The following CXADR variants were observed in gnomAD, a reference collection of about 807,000 sequenced individuals.
CXADR encodes CXADR cell adhesion molecule.
CXADR carries 20 observed loss-of-function variants against 40.3 expected under a neutral mutation model. The observed-to-expected ratio is 0.50, with a 90% CI of 0.35 to 0.72. The LOEUF (loss-of-function observed/expected upper bound fraction) is 0.72. Among genes scored for constraint, CXADR ranks in the 30% least tolerant of loss-of-function variants. The pLI, the probability that CXADR is intolerant of heterozygous loss-of-function variation, is 0.01. For missense variants in CXADR, 332 were observed against 449.1 expected (o/e 0.74, Z 2.36); for synonymous variants, 150 against 161.3 (o/e 0.93, Z 0.53).
chr21:17,563,238 G>A (rs2061148328), intron 6 of CXADR, among the ~76,000 whole-genome samples: 1 of 152,108 alleles, frequency 6.6e-6, no homozygotes, highest in South Asian at 2.1e-4. Context: ...AGTGAGCTAG[G>A]ATCGCACCAC....
intron 1 of CXADR, among the ~76,000 whole-genome samples, chr21:17,519,225 G>A (rs2060498693): frequency 6.6e-6 from 1 of 152,132 alleles, no homozygotes; most frequent in Non-Finnish European, 1.5e-5. Flanking sequence ...CAGAGGACAG[G>A]GCCATTACCT....
At position 17,566,711 on chromosome 21, in the gene CXADR, A is replaced by G. The variant is rs2061213395; in HGVS notation, c.*1019A>G. 6.2e-6 allele frequency: 6 copies of G among 973,962 alleles called. No individual in the cohort carries two copies. Among genetic ancestry groups the G allele is most frequent in the Non-Finnish European group, 6.1e-6 (5 of 819,618 alleles). The allele number at this position is 973,962 out of a possible 1,614,324, so 60.3% of individuals were successfully genotyped here. On this transcript the variant is annotated 3_prime_UTR_variant, in exon 7 of 7. Coordinates refer to ENST00000284878, the MANE Select transcript of CXADR (RefSeq NM_001338.5). ...GTTACATATTATATGTTCTAGAAACATGTAATCCTAAATTTACCCTCTTGA... is the reference window on the plus strand; with the variant it reads ...GTTACATATTATATGTTCTAGAAACGTGTAATCCTAAATTTACCCTCTTGA...
chr21:17,542,191 T>C (rs998052134), intron 1 of CXADR: 8 of 207,128 alleles, frequency 3.9e-5, no homozygotes, highest in African/African-American at 7.1e-5. Flanking sequence ...AAAAAACTAG[T>C]GATAACATTT....
chr21:17,559,454 G>T (rs2061078938), intron 4 of CXADR, among the ~76,000 whole-genome samples: 1 of 151,900 alleles, frequency 6.6e-6, no homozygotes, highest in Admixed American at 6.6e-5. Context: ...CAAAGTGCTG[G>T]GATTACAGGC....
the CXADR span, among the ~76,000 whole-genome samples, chr21:17,616,901 A>G: frequency 6.6e-6 from 1 of 152,234 alleles, no homozygotes; most frequent in Admixed American, 6.5e-5. Flanking sequence ...AGCAGCAGTG[A>G]TTAAAGTATA....
At chr21:17,607,389 C>CAA in the CXADR span, among the ~76,000 whole-genome samples, 7 of 145,626 alleles carry the variant, frequency 4.8e-5, no homozygotes, top group African/African-American at 1.3e-4. Context: ...TGAAAATATG[C>CAA]AAAAAAAAAA....
At chr21:17,515,593 T>C (rs1287614856) in intron 1 of CXADR, among the ~76,000 whole-genome samples, 1 of 152,066 alleles carries the variant, frequency 6.6e-6, no homozygotes. Context: ...GGGCAGATCA[T>C]GAGGTTAGGA....
chr21:17,610,685 C>T, the CXADR span, among the ~76,000 whole-genome samples: 1 of 152,162 alleles, frequency 6.6e-6, no homozygotes, highest in Non-Finnish European at 1.5e-5. Flanking sequence ...TATTAAGATG[C>T]TGCCTTTAGT....
Position 17,567,589 on chromosome 21 carries a change from A to C in CXADR, c.*1897A>C. On this transcript the variant is annotated 3_prime_UTR_variant, in exon 7 of 7. Transcript: ENST00000284878. ...GTTCTTTGTGGATATAACTTAAGCA[A>C]TTGTGTTATTCATAAAGGTTTAGAA... 1 of 984,842 alleles carries C rather than the reference A, an allele frequency of 1.0e-6. No homozygotes were observed. The highest frequency in any genetic ancestry group is 1.7e-5 in the African/African-American group (1 of 57,344). The allele number at this position is 984,842 out of a possible 1,614,324, so 61.0% of individuals were successfully genotyped here.
At chr21:17,572,327 G>T (rs766093230), downstream of CXADR, among the ~76,000 whole-genome samples, 1 of 151,552 alleles carries the variant, frequency 6.6e-6, no homozygotes, top group Non-Finnish European at 1.5e-5. Flanking sequence ...CCGAGATCGC[G>T]CCACTGCACA....
intron 4 of CXADR, among the ~76,000 whole-genome samples, chr21:17,559,668 G>GTTTTTTTTTTTTTTTTTT (rs1491548660): frequency 9.4e-6 from 1 of 106,208 alleles, no homozygotes; most frequent in African/African-American, 3.8e-5. Flanking sequence ...CTTTTTTTTG[G>GTTTTTTTTTTTTTTTTTT]GTTTTTTTTT....
the CXADR span, chr21:17,613,783 G>T: frequency 1.3e-5 from 2 of 152,190 alleles, no homozygotes; most frequent in African/African-American, 4.8e-5. Flanking sequence ...TAACACCATG[G>T]TCTTAGTTTT....
intron 6 of CXADR, 48 bp from the exon 7 acceptor site, chr21:17,565,380 T>G: frequency 6.3e-7 from 1 of 1,584,672 alleles, no homozygotes; most frequent in Non-Finnish European, 8.6e-7. Flanking sequence ...AATTGTAGGT[T>G]TTTAGAAACT....
At chr21:17,594,005 C>T (rs2061469714), downstream of CXADR, 1 of 1,463,474 alleles carries the variant, frequency 6.8e-7, no homozygotes, top group Non-Finnish European at 9.1e-7. Context: ...AACTTCACTA[C>T]TATTAGTAAG....
At chr21:17,581,130 A>G (rs1408152540) in intron 7 of CXADR, among the ~76,000 whole-genome samples, 7 of 152,196 alleles carry the variant, frequency 4.6e-5, no homozygotes, top group African/African-American at 1.7e-4. Flanking sequence ...GGTACAAAGC[A>G]AGCTTTTTTT....
At chr21:17,513,611 C>T (rs1346933551) in intron 1 of CXADR, among the ~76,000 whole-genome samples, 1 of 152,228 alleles carries the variant, frequency 6.6e-6, no homozygotes, top group Non-Finnish European at 1.5e-5. Context: ...GTCGCCCAGG[C>T]GGGGAGGCTG....
At chr21:17,621,091 G>A in the CXADR span, among the ~76,000 whole-genome samples, 1 of 152,112 alleles carries the variant, frequency 6.6e-6, no homozygotes, top group African/African-American at 2.4e-5. Flanking sequence ...TTTACTTAAA[G>A]TCAACTGAGT....
the CXADR span, among the ~76,000 whole-genome samples, chr21:17,615,395 T>C: frequency 1.3e-5 from 2 of 152,196 alleles, no homozygotes; most frequent in African/African-American, 4.8e-5. Flanking sequence ...ATTACAGTAG[T>C]TCCCCCTTAT....
chr21:17,535,062 A>G (rs1275102568), intron 1 of CXADR, among the ~76,000 whole-genome samples: 3 of 151,498 alleles, frequency 2.0e-5, no homozygotes, highest in Non-Finnish European at 2.9e-5. Flanking sequence ...GATTATAGGC[A>G]TGAGCCACCG....
Sources: gnomAD v4.1 joint callset for allele counts (sites outside exome capture counted in the v4.1 genomes callset) on GRCh38, gnomAD v4.1.1 for gene constraint, MANE v1.5 for transcripts, NCBI Gene and HGNC (gene_info 2026-07-23, HGNC 2026-07-21) for gene names.